The following SUGCT variants were observed in gnomAD, a reference collection of about 807,000 sequenced individuals.
SUGCT encodes succinyl-CoA:glutarate CoA-transferase.
SUGCT carries 41 observed loss-of-function variants against 55.0 expected under a neutral mutation model. The observed-to-expected ratio is 0.74, with a 90% CI of 0.58 to 0.97. The LOEUF is 0.97. SUGCT is among the 50% of genes least tolerant of loss of function. SUGCT has a pLI of 0.00. For missense variants in SUGCT, 568 were observed against 547.8 expected (o/e 1.04, Z -0.37); for synonymous variants, 187 against 200.4 (o/e 0.93, Z 0.56).
chr7:40,656,152 T>C (rs772873391), intron 12 of SUGCT, among the ~76,000 whole-genome samples: 3 of 152,100 alleles, frequency 2.0e-5, no homozygotes, highest in Non-Finnish European at 4.4e-5. Context: ...AAAGCAAGAT[T>C]AAGTAACATT....
intron 7 of SUGCT, among the ~76,000 whole-genome samples, chr7:40,255,345 C>T (rs1790737529): frequency 6.6e-6 from 1 of 151,246 alleles, no homozygotes; most frequent in African/African-American, 2.4e-5. Flanking sequence ...TTATTTTTGC[C>T]TGACTTAATG....
intron 9 of SUGCT, among the ~76,000 whole-genome samples, chr7:40,327,636 A>G (rs982501488): frequency 1.3e-5 from 2 of 152,210 alleles, no homozygotes; most frequent in Admixed American, 6.5e-5. Flanking sequence ...TAAAAGTAGT[A>G]AATCCCTAGT....
At chr7:41,037,643 T>A in the SUGCT span, among the ~76,000 whole-genome samples, 1 of 151,920 alleles carries the variant, frequency 6.6e-6, no homozygotes, top group African/African-American at 2.4e-5. Flanking sequence ...CCTTCTGGAA[T>A]CAGCTTTAGT....
At chr7:40,433,700 T>C (rs1441713446) in intron 9 of SUGCT, among the ~76,000 whole-genome samples, 2 of 152,194 alleles carry the variant, frequency 1.3e-5, no homozygotes, top group Non-Finnish European at 2.9e-5. Flanking sequence ...GCTGCTTCTT[T>C]AAGGTGTTTG....
chr7:40,268,182 C>T (rs1434176472), intron 7 of SUGCT, among the ~76,000 whole-genome samples: 1 of 152,128 alleles, frequency 6.6e-6, no homozygotes, highest in Admixed American at 6.6e-5. Flanking sequence ...ACAGGTTTTG[C>T]AACCTTACAA....
rs117369183 is a variant in SUGCT at position 40,780,114 on chromosome 7, T to C, written c.1153+30617T>C. ...GTGGTCATCTGTTGCCCTCCTTTGCTTTTGTCTTCGGCTGGTGATTTGTAG... is the reference window on the plus strand; with the variant it reads ...GTGGTCATCTGTTGCCCTCCTTTGCCTTTGTCTTCGGCTGGTGATTTGTAG... On this transcript the variant is annotated intron_variant, in intron 13 of 13. Transcript: ENST00000335693. Among the ~76,000 whole-genome samples the C allele has an allele frequency of 6.8e-4, 103 of 152,340 alleles. No homozygotes were observed. In the East Asian group the frequency reaches 0.019, roughly 28 times the overall value.
At chr7:40,541,635 T>C (rs1308447987) in intron 12 of SUGCT, among the ~76,000 whole-genome samples, 1 of 152,184 alleles carries the variant, frequency 6.6e-6, no homozygotes, top group Non-Finnish European at 1.5e-5. Context: ...TAAATGAGAA[T>C]GAATGTATAA....
chr7:40,999,101 T>C, the SUGCT span, among the ~76,000 whole-genome samples: 60 of 152,322 alleles, frequency 3.9e-4, 1 homozygote, highest in Admixed American at 1.2e-3. Context: ...AGTGACACAC[T>C]TTGAACTTTA....
chr7:40,718,950 T>C (rs180672727), intron 12 of SUGCT, among the ~76,000 whole-genome samples: 50 of 152,348 alleles, frequency 3.3e-4, no homozygotes, highest in Admixed American at 9.8e-4. Context: ...TAACTGAATA[T>C]GGTTCCCTAA....
chr7:40,295,628 T>TGG, intron 8 of SUGCT, among the ~76,000 whole-genome samples: 1 of 152,312 alleles, frequency 6.6e-6, no homozygotes, highest in Admixed American at 6.5e-5. Flanking sequence ...GAATGTTTCT[T>TGG]GAATTTCTTC....
intron 13 of SUGCT, among the ~76,000 whole-genome samples, chr7:40,835,462 T>A (rs1389603945): frequency 6.6e-6 from 1 of 152,198 alleles, no homozygotes; most frequent in South Asian, 2.1e-4. Flanking sequence ...ATTTCTTACA[T>A]GTTGAAATAT....
chr7:40,918,754 G>C, the SUGCT span, among the ~76,000 whole-genome samples: 3 of 152,170 alleles, frequency 2.0e-5, no homozygotes, highest in African/African-American at 7.2e-5. Context: ...CTTTGTTTAT[G>C]ACTGAAATTC....
At chr7:40,490,838 A>G (rs111749075) in intron 11 of SUGCT, among the ~76,000 whole-genome samples, 197 of 152,068 alleles carry the variant, frequency 1.3e-3, no homozygotes, top group African/African-American at 4.4e-3. Flanking sequence ...TTTTTTCCCT[A>G]AGACATACTG....
chr7:41,012,605 A>C, the SUGCT span, among the ~76,000 whole-genome samples: 1 of 152,164 alleles, frequency 6.6e-6, no homozygotes, highest in African/African-American at 2.4e-5. Flanking sequence ...TCATTAGGTA[A>C]TCTTGGCTTA....
the SUGCT span, among the ~76,000 whole-genome samples, chr7:40,942,884 A>G: frequency 6.6e-6 from 1 of 151,864 alleles, no homozygotes; most frequent in African/African-American, 2.4e-5. Context: ...TAATTCCCTA[A>G]ATGTGTCTTT....
the SUGCT span, among the ~76,000 whole-genome samples, chr7:41,031,444 AT>A: frequency 0.02 from 2,993 of 152,284 alleles, 98 homozygotes; most frequent in African/African-American, 0.067. Context: ...TTGGAATGGA[AT>A]TGTCTCAACT....
At chr7:40,654,565 A>G (rs886590604) in intron 12 of SUGCT, among the ~76,000 whole-genome samples, 2 of 152,218 alleles carry the variant, frequency 1.3e-5, no homozygotes, top group South Asian at 4.1e-4. Context: ...CAAATGCTCA[A>G]CCACATCAAG....
At chr7:40,772,359 T>TA (rs954364986) in intron 13 of SUGCT, among the ~76,000 whole-genome samples, 120 of 151,124 alleles carry the variant, frequency 7.9e-4, no homozygotes, top group African/African-American at 2.4e-3. Context: ...TGCTTCTGGT[T>TA]AAAAAAAAAT....
the SUGCT span, among the ~76,000 whole-genome samples, chr7:40,992,622 A>G: frequency 6.6e-5 from 10 of 151,974 alleles, no homozygotes; most frequent in African/African-American, 2.2e-4. Context: ...CCATATTCTG[A>G]AAAGGGTTTT....
Sources: gnomAD v4.1 joint callset for allele counts (sites outside exome capture counted in the v4.1 genomes callset) on GRCh38, gnomAD v4.1.1 for gene constraint, MANE v1.5 for transcripts, NCBI Gene and HGNC (gene_info 2026-07-23, HGNC 2026-07-21) for gene names.